The following PCNT variants were observed in gnomAD, a reference collection of about 807,000 sequenced individuals.
The protein encoded by PCNT is pericentrin, also known as kendrin.
In PCNT, 319 loss-of-function variants were observed where a neutral mutation model predicts 380.4. The observed-to-expected ratio is 0.84, with a 90% CI of 0.77 to 0.92. PCNT has a LOEUF of 0.92. PCNT is among the 40% of genes least tolerant of loss of function. PCNT has a pLI of 0.00. For missense variants in PCNT, 4,400 were observed against 4,255.3 expected, an observed-to-expected ratio of 1.03 and a Z score of -0.95; for synonymous variants, 1,845 against 1,735.2, an observed-to-expected ratio of 1.06 and a Z score of -1.57.
In PCNT at chr21:46,346,785, A is replaced by G; in HGVS notation, c.763A>G (p.Ser255Gly). ...GCTGGAGGCGCTGCGCCTGAGTCTGAGCAACATGCACACGGCGCAGCTGGA... is the reference window on the plus strand; with the variant it reads ...GCTGGAGGCGCTGCGCCTGAGTCTGGGCAACATGCACACGGCGCAGCTGGA... The part of the protein sequence containing the change: ...LELEALRLSL[S>G]NMHTAQLELT... Residue 255 changes from serine (S) to glycine (G), a missense_variant, in exon 5 of 47, where the codon AGC becomes GGC. Transcript: ENST00000359568. 1 of 1,600,244 alleles carries G rather than the reference A, an allele frequency of 6.2e-7. No homozygotes were observed. The highest frequency in any genetic ancestry group is 2.3e-5 in the East Asian group (1 of 44,398).
intron 15 of PCNT, among the ~76,000 whole-genome samples, chr21:46,369,220 TG>T (rs1379051814): frequency 6.6e-6 from 1 of 152,226 alleles, no homozygotes; most frequent in Non-Finnish European, 1.5e-5. Context: ...CAGGGAGTCC[TG>T]GGGATGTGTT....
At chr21:46,426,066 T>TTTA in intron 33 of PCNT, 95 bp downstream of exon 33, 2 of 972,706 alleles carry the variant, frequency 2.1e-6, no homozygotes, top group Non-Finnish European at 2.8e-6. Flanking sequence ...CTAGGATTTC[T>TTTA]TTCTTTTTTT....
In PCNT at chr21:46,431,883, A is replaced by G. The variant is rs1396244124; in HGVS notation, c.8419A>G (p.Met2807Val). Residue 2807 changes from methionine to valine, a missense_variant, in exon 38 of 47, where the codon ATG (methionine) becomes GTG (valine). Met to Val is a conservative substitution (Grantham distance 21, BLOSUM62 1). Transcript: ENST00000359568. ...EKSRVVDLQA[M>V]LEKVQQQALH... is the part of the protein sequence containing the mutation. Reference sequence around the variant, plus strand: ...GTCCCGGGTGGTGGACTTGCAAGCGATGCTTGAAAAGGTGCAGCAGCAAGC... The same window carrying G: ...GTCCCGGGTGGTGGACTTGCAAGCGGTGCTTGAAAAGGTGCAGCAGCAAGC... 3.7e-6 allele frequency: 6 copies of G among 1,613,982 alleles called. No individual in the cohort carries two copies. The highest frequency in any genetic ancestry group is 1.6e-4 in the Middle Eastern group (1 of 6,084).
At chr21:46,344,600 C>T (rs1292840310) in intron 3 of PCNT, among the ~76,000 whole-genome samples, 1 of 152,176 alleles carries the variant, frequency 6.6e-6, no homozygotes, top group Non-Finnish European at 1.5e-5. Flanking sequence ...ATTTTTTAAT[C>T]GGAAGTACTC....
chr21:46,326,849 A>G (rs996991718), intron 2 of PCNT, among the ~76,000 whole-genome samples: 2 of 151,934 alleles, frequency 1.3e-5, no homozygotes, highest in East Asian at 2.0e-4. Flanking sequence ...CCCTGTCTAT[A>G]CTAAAAATAC....
chr21:46,408,484 T>A (rs554458874), intron 27 of PCNT, among the ~76,000 whole-genome samples: 1 of 152,350 alleles, frequency 6.6e-6, no homozygotes, highest in South Asian at 2.1e-4. Flanking sequence ...TCAAACTGTT[T>A]TCTATAGTTG....
intron 28 of PCNT, 65 bp from the exon 29 acceptor site, chr21:46,412,772 A>G (rs2086831235): frequency 2.5e-6 from 4 of 1,573,756 alleles, no homozygotes; most frequent in Non-Finnish European, 3.5e-6. Flanking sequence ...GCTCCAGGCC[A>G]CCTGAGGGGC....
At chr21:46,411,105 C>T in intron 27 of PCNT, 84 bp from the exon 28 acceptor site, 2 of 1,321,488 alleles carry the variant, frequency 1.5e-6, no homozygotes, top group Non-Finnish European at 2.2e-6. Context: ...TCCAAGAATG[C>T]ATTCAGGATG....
chr21:46,425,729 C>T lies in PCNT; in HGVS notation c.7180-102C>T. On this transcript the variant is annotated intron_variant, in intron 32 of 46. Transcript: ENST00000359568. The surrounding 1 kb of genome is among the most constrained non-coding windows in gnomAD (Gnocchi z 4.2). Reference sequence around the variant, plus strand: ...TGCCCTCCCTCTCCACAGCTGCCCGCCCTTCACAGAGTCCTGGCGGCAGCT... The same window carrying T: ...TGCCCTCCCTCTCCACAGCTGCCCGTCCTTCACAGAGTCCTGGCGGCAGCT... 1 of 1,546,582 alleles carries T rather than the reference C, an allele frequency of 6.5e-7. No individual in the cohort carries two copies. Among genetic ancestry groups the T allele is most frequent in the Non-Finnish European group, 8.9e-7 (1 of 1,128,180 alleles).
chr21:46,377,935 G>A (rs2085382902), intron 15 of PCNT, among the ~76,000 whole-genome samples: 1 of 152,056 alleles, frequency 6.6e-6, no homozygotes, highest in Admixed American at 6.6e-5. Context: ...TCTGCTTGCC[G>A]TACCTGTGGG....
intron 31 of PCNT, among the ~76,000 whole-genome samples, chr21:46,421,618 C>T (rs759001619): frequency 3.5e-4 from 53 of 152,356 alleles, no homozygotes; most frequent in Non-Finnish European, 2.8e-4. Flanking sequence ...AGGCCCCGCA[C>T]GTCCCGCTGC....
Position 46,445,424 on chromosome 21 carries a change from A to AGTG in PCNT, c.*97_*98insGTG. 1 of 931,428 alleles carries AGTG rather than the reference A, an allele frequency of 1.1e-6. No homozygotes were observed. Among genetic ancestry groups the AGTG allele is most frequent in the Non-Finnish European group, 1.8e-6 (1 of 556,372 alleles). 57.7% of individuals were successfully genotyped at this position (931,428 alleles called of 1,614,324 possible). A position where few individuals can be genotyped will look rare whatever the true frequency, so the allele number is the denominator to read the frequency against. On this transcript the variant is annotated 3_prime_UTR_variant, in exon 47 of 47. Coordinates refer to ENST00000359568, the MANE Select transcript of PCNT (RefSeq NM_006031.6). ...AAGCTCGTGGGACAGCATGGGCACT[A>AGTG]CTCTTCATGTGCGGTGACACCAGCC...
chr21:46,339,663 T>C (rs1331846453), intron 3 of PCNT, among the ~76,000 whole-genome samples: 1 of 152,206 alleles, frequency 6.6e-6, no homozygotes, highest in Non-Finnish European at 1.5e-5. Context: ...CACTGGCAGC[T>C]GATTAGATGG....
chr21:46,427,621 G>A lies in PCNT; in HGVS notation c.7321-1G>A. The A allele has an allele frequency of 6.2e-7, 1 of 1,613,916 alleles. No homozygotes were observed. The highest frequency in any genetic ancestry group is 8.5e-7 in the Non-Finnish European group (1 of 1,180,012). On this transcript the variant is annotated splice_acceptor_variant, in intron 33 of 46. Transcript: ENST00000359568. LOFTEE classifies it high-confidence loss of function. ...GCCACGTTTCTTCCTTCTTCCTTTA[G>A]GAAGTGCCCACCGCGTGCCCCGATT...
In PCNT at chr21:46,444,931, T is replaced by C. The variant is rs568180365; in HGVS notation, c.9967+110T>C. On this transcript the variant is annotated intron_variant, in intron 46 of 46. Transcript: ENST00000359568. ...TTCAGCTTAGTAACCAAAGTTTCAG[T>C]CTGAACAATCAGTGTCACTAATAGT... 1.3e-5 allele frequency: 13 copies of C among 1,009,072 alleles called. No individual in the cohort carries two copies. In the South Asian group the frequency reaches 1.6e-4, roughly 12 times the overall value. 62.5% of individuals were successfully genotyped at this position (1,009,072 alleles called of 1,614,324 possible).
chr21:46,443,554 C>T (rs1480135853), intron 44 of PCNT, among the ~76,000 whole-genome samples: 1 of 152,176 alleles, frequency 6.6e-6, no homozygotes, highest in Non-Finnish European at 1.5e-5. Context: ...AGGCAGGACC[C>T]CCACCCAGGT....
intron 31 of PCNT, 51 bp from the exon 32 acceptor site, chr21:46,421,919 G>T: frequency 6.2e-7 from 1 of 1,605,380 alleles, no homozygotes; most frequent in South Asian, 1.1e-5. Context: ...CGTCCCCTGG[G>T]GAACCCCCTG....
intron 32 of PCNT, among the ~76,000 whole-genome samples, chr21:46,423,554 A>G (rs191390209): frequency 6.4e-4 from 97 of 151,436 alleles, no homozygotes; most frequent in Non-Finnish European, 1.2e-3. Flanking sequence ...ATGGAAAACA[A>G]CCTAATATTA....
intron 21 of PCNT, among the ~76,000 whole-genome samples, chr21:46,392,530 G>A (rs1206627205): frequency 6.6e-6 from 1 of 152,192 alleles, no homozygotes; most frequent in African/African-American, 2.4e-5. Context: ...CAGCTCCTAT[G>A]GTTTCTCACT....
Sources: gnomAD v4.1 joint callset for allele counts (sites outside exome capture counted in the v4.1 genomes callset) on GRCh38, gnomAD v4.1.1 for gene constraint, Gnocchi (gnomAD v3.1) non-coding constraint, MANE v1.5 for transcripts, NCBI Gene and HGNC (gene_info 2026-07-23, HGNC 2026-07-21) for gene names.